The following MAGEA11 variants were observed in gnomAD, a reference collection of about 807,000 sequenced individuals.
The protein encoded by MAGEA11 is melanoma-associated antigen 11.
A neutral mutation model predicts 8.4 loss-of-function variants in MAGEA11; 1 was observed. The ratio of observed to expected loss-of-function variants is 0.12; its 90% CI spans 0.04 to 0.57. The LOEUF is 0.57. Ranked by LOEUF, MAGEA11 falls within the 20% of genes least tolerant of loss-of-function variation. The pLI is 0.91. For synonymous variants in MAGEA11, 127 were observed against 119.3 expected (o/e 1.06, Z -0.42); for missense variants, 209 against 317.3 (o/e 0.66, Z 2.59).
upstream of MAGEA11, among the ~76,000 whole-genome samples, chrX:149,707,187 A>G (rs1201422394): frequency 8.9e-6 from 1 of 112,350 alleles, no homozygotes; most frequent in African/African-American, 3.2e-5. Context: ...AGCTCCAAAT[A>G]CTAGGACCAT....
intron 1 of MAGEA11, among the ~76,000 whole-genome samples, chrX:149,695,443 A>G (rs2090327009): frequency 9.0e-6 from 1 of 111,726 alleles, no homozygotes; most frequent in South Asian, 3.7e-4. Context: ...GTGCTCTAAA[A>G]GGCACCTCTA....
intron 1 of MAGEA11, chrX:149,689,126 G>C: frequency 2.0e-6 from 1 of 502,064 alleles, no homozygotes; most frequent in South Asian, 2.5e-5. Flanking sequence ...TGGTTTCTGC[G>C]TCCTTGTCAC....
rs782472807 is a variant in MAGEA11 at position 149,716,051 on chromosome X, T to C, written c.565T>C (p.Phe189Leu). The C allele has an allele frequency of 5.0e-6, 6 of 1,210,426 alleles. No homozygotes were observed. The South Asian group carries it at 1.1e-4, about 21-fold the overall frequency. The stretch of plus-strand genomic sequence containing the variant: ...CTCTCCCACTGCCATGGATGCCATC[T>C]TTGGGAGCCTATCTGATGAGGGCTC... ...SFSPTAMDAI[F>L]GSLSDEGSGS... Residue 189 changes from phenylalanine (F) to leucine (L), a missense_variant, in exon 5 of 5, where the codon TTT (phenylalanine) becomes CTT (leucine). Transcript: ENST00000355220.
chrX:149,716,467 C>A lies in MAGEA11; in HGVS notation c.981C>A (p.Asn327Lys), dbSNP rs199749154. Residue 327 changes from asparagine (N) to lysine (K), a missense_variant, in exon 5 of 5, where the codon AAC (asparagine) becomes AAA (lysine). Physicochemically the swap from Asn to Lys is moderately conservative, Grantham distance 94 (BLOSUM62 0). Transcript: ENST00000355220. ...IVLGVIFMEG[N>K]CIPEEVMWEV... ...TGGGTGTAATCTTCATGGAGGGGAACTGCATCCCTGAAGAGGTTATGTGGG... is the reference window on the plus strand; with the variant it reads ...TGGGTGTAATCTTCATGGAGGGGAAATGCATCCCTGAAGAGGTTATGTGGG... 2.7e-5 allele frequency: 33 copies of A among 1,209,504 alleles called. No individual in the cohort carries two copies. Among genetic ancestry groups the A allele is most frequent in the Non-Finnish European group, 3.6e-5 (32 of 894,717 alleles).
At chrX:149,690,828 A>G (rs896629385) in intron 1 of MAGEA11, among the ~76,000 whole-genome samples, 1 of 111,740 alleles carries the variant, frequency 8.9e-6, no homozygotes, top group Non-Finnish European at 1.9e-5. Context: ...TCTAGTGCAC[A>G]TATGTTGGTG....
chrX:149,692,619 T>A (rs782578578), intron 1 of MAGEA11, among the ~76,000 whole-genome samples: 1 of 111,798 alleles, frequency 8.9e-6, no homozygotes, highest in Admixed American at 9.5e-5. Flanking sequence ...CAATTAATTA[T>A]TTTAACAAGT....
rs374038807 is a variant in MAGEA11, at chrX:149,716,128, T to G, written c.642T>G (p.Pro214=). ...GPSTSPDLID[P]ESFSQDILHD... ...GTACCTCGCCTGACCTGATAGACCC[T>G]GAGTCCTTTTCCCAAGATATACTAC... The change falls in exon 5 of 5, where the codon CCT becomes CCG. Residue 214 remains proline, a synonymous_variant. Coordinates refer to ENST00000355220, the MANE Select transcript of MAGEA11 (RefSeq NM_005366.5). 375 of 1,210,643 alleles carry G rather than the reference T, an allele frequency of 3.1e-4. No individual in the cohort carries two copies. The highest frequency in any genetic ancestry group is 4.0e-4 in the Non-Finnish European group (356 of 895,333).
intron 1 of MAGEA11, among the ~76,000 whole-genome samples, chrX:149,696,312 G>T (rs1278352907): frequency 1.8e-5 from 2 of 110,068 alleles, no homozygotes; most frequent in Middle Eastern, 4.7e-3. Flanking sequence ...GTGTGCCCTG[G>T]TGGTCATTCA....
At chrX:149,709,628 G>A (rs2086455084), upstream of MAGEA11, among the ~76,000 whole-genome samples, 1 of 112,169 alleles carries the variant, frequency 8.9e-6, no homozygotes, top group Admixed American at 9.4e-5. Context: ...CATTAGGGCA[G>A]TGTACTAAAT....
chrX:149,688,640 GTACATATACATATACACA>G (rs1272221694), upstream of MAGEA11, among the ~76,000 whole-genome samples: 131 of 104,227 alleles, frequency 1.3e-3, no homozygotes, highest in African/African-American at 4.7e-3. Context: ...ATATATGTAT[GTACATATACATATACACA>G]TACATATACA....
At chrX:149,712,624 G>A (rs2090407316) in intron 1 of MAGEA11, among the ~76,000 whole-genome samples, 1 of 111,928 alleles carries the variant, frequency 8.9e-6, no homozygotes, top group Non-Finnish European at 1.9e-5. Context: ...GACTGAGGAT[G>A]CTCCCTACCC....
At chrX:149,694,591 T>C (rs1225021191) in intron 1 of MAGEA11, among the ~76,000 whole-genome samples, 8 of 112,663 alleles carry the variant, frequency 7.1e-5, no homozygotes, top group African/African-American at 2.6e-4. Context: ...TTTCTCACTC[T>C]GCAAAAAATC....
upstream of MAGEA11, among the ~76,000 whole-genome samples, chrX:149,708,839 G>T (rs1448978131): frequency 1.8e-5 from 2 of 111,259 alleles, no homozygotes; most frequent in Non-Finnish European, 3.8e-5. Context: ...AAACAGATTA[G>T]TAATGGATTG....
chrX:149,703,348 A>G (rs2090362139), intron 1 of MAGEA11, among the ~76,000 whole-genome samples: 1 of 112,459 alleles, frequency 8.9e-6, no homozygotes, highest in African/African-American at 3.2e-5. Flanking sequence ...GAGCCATCCC[A>G]ATGAAGTGCA....
At chrX:149,710,380 A>G (rs1296754939), upstream of MAGEA11, among the ~76,000 whole-genome samples, 1 of 112,402 alleles carries the variant, frequency 8.9e-6, no homozygotes, top group Non-Finnish European at 1.9e-5. Flanking sequence ...TCAAAAATTG[A>G]CAGACGTAAT....
Position 149,701,643 on chromosome X carries a change from T to C in MAGEA11, c.9+12659T>C, listed in dbSNP as rs1319593455. 3.6e-5 allele frequency among the ~76,000 whole-genome samples: 4 copies of C among 110,172 alleles called. No individual in the cohort carries two copies. The East Asian group carries it at 1.2e-3, about 32-fold the overall frequency. On this transcript the variant is annotated intron_variant, in intron 1 of 3. Coordinates refer to the MAGEA11 transcript ENST00000333104. Reference sequence around the variant, plus strand: ...GTTTTAGACATGAAGTCCTTGTCCATGCCTCTGTCCTGAATGGTAATGCCT... The same window carrying C: ...GTTTTAGACATGAAGTCCTTGTCCACGCCTCTGTCCTGAATGGTAATGCCT...
At chrX:149,707,710 T>C (rs1416118013), upstream of MAGEA11, among the ~76,000 whole-genome samples, 1 of 112,244 alleles carries the variant, frequency 8.9e-6, no homozygotes, top group African/African-American at 3.2e-5. Context: ...TTCTAAACTC[T>C]CATAAAACCC....
intron 1 of MAGEA11, among the ~76,000 whole-genome samples, chrX:149,697,938 T>G (rs1177105162): frequency 8.9e-6 from 1 of 112,043 alleles, no homozygotes; most frequent in Non-Finnish European, 1.9e-5. Flanking sequence ...CCTGCCACCT[T>G]GTGAAGACGG....
rs182090548 is a variant in MAGEA11 at position 149,702,654 on chromosome X, G to A, written c.10-11827G>A. 8.0e-4 allele frequency among the ~76,000 whole-genome samples: 89 copies of A among 111,226 alleles called. No individual in the cohort carries two copies. In the East Asian group the frequency reaches 0.017, roughly 21 times the overall value. On this transcript the variant is annotated intron_variant, in intron 1 of 3. Transcript: ENST00000333104. ...TCCCCAATCTCTGACTTTAATCGAG[G>A]TGATTAATCCATTTACATTTAAGAT... is the stretch of plus-strand genomic sequence containing the variant.
Sources: allele counts gnomAD v4.1 joint callset (sites outside exome capture counted in the v4.1 genomes callset), GRCh38; gene constraint gnomAD v4.1.1; transcripts MANE v1.5; gene names NCBI Gene and HGNC (gene_info 2026-07-23, HGNC 2026-07-21).